The following EXTL3 variants were observed in gnomAD, a reference collection of about 807,000 sequenced individuals.
The protein encoded by EXTL3 is exostosin-like 3.
A neutral mutation model predicts 69.3 loss-of-function variants in EXTL3; 27 were observed. That is an observed-to-expected ratio of 0.39 (90% CI 0.29 to 0.54). EXTL3 has a LOEUF of 0.54. EXTL3 is among the 20% of genes least tolerant of loss of function. The pLI is 0.69. For synonymous variants in EXTL3, 511 were observed against 499.4 expected (o/e 1.02, Z -0.31); for missense variants, 1,003 against 1,231.8 (o/e 0.81, Z 2.78).
downstream of EXTL3, among the ~76,000 whole-genome samples, chr8:28,756,042 A>G (rs1373069288): frequency 6.6e-6 from 1 of 152,194 alleles, no homozygotes; most frequent in Non-Finnish European, 1.5e-5. Flanking sequence ...TTCTAAATAC[A>G]TGGGCATACA....
In EXTL3 at chr8:28,648,850, G is replaced by T. The variant is rs192089813; in HGVS notation, c.-53+26040G>T. ...CCCACCTCAGCATCCTGTTAGCTGG[G>T]ACTGTAGGCGTGCACCACCACACCC... is the stretch of plus-strand genomic sequence containing the variant. On this transcript the variant is annotated intron_variant, in intron 1 of 6. Transcript: ENST00000523149. Among the ~76,000 whole-genome samples the T allele has an allele frequency of 3.5e-4, 53 of 152,160 alleles. No individual in the cohort carries two copies. In the East Asian group the frequency reaches 9.5e-3, roughly 27 times the overall value.
At chr8:28,609,589 T>C (rs1806245097) in intron 2 of EXTL3, among the ~76,000 whole-genome samples, 1 of 151,020 alleles carries the variant, frequency 6.6e-6, no homozygotes, top group South Asian at 2.1e-4. Flanking sequence ...ATAAGTTCTT[T>C]TGAGATGTAT....
chr8:28,628,727 C>T (rs1806530540), intron 1 of EXTL3, among the ~76,000 whole-genome samples: 1 of 152,140 alleles, frequency 6.6e-6, no homozygotes, highest in Non-Finnish European at 1.5e-5. Context: ...AATCTCTGCT[C>T]ACTGTAACCT....
chr8:28,707,889 G>T (rs1401377964), intron 1 of EXTL3, among the ~76,000 whole-genome samples: 2 of 152,198 alleles, frequency 1.3e-5, no homozygotes, highest in Non-Finnish European at 2.9e-5. Flanking sequence ...TCAAATTGAG[G>T]ACTTATCCTG....
At chr8:28,721,476 A>G (rs1443246700) in intron 3 of EXTL3, among the ~76,000 whole-genome samples, 1 of 152,158 alleles carries the variant, frequency 6.6e-6, no homozygotes, top group African/African-American at 2.4e-5. Context: ...TCTTGGTACC[A>G]ACTCTGGCCT....
intron 1 of EXTL3, among the ~76,000 whole-genome samples, chr8:28,675,318 C>T (rs962924574): frequency 2.0e-5 from 3 of 152,096 alleles, no homozygotes; most frequent in Admixed American, 6.6e-5. Flanking sequence ...GCATGCATGT[C>T]GAAACTCATC....
At chr8:28,655,039 T>C (rs144878494) in intron 1 of EXTL3, among the ~76,000 whole-genome samples, 28 of 152,310 alleles carry the variant, frequency 1.8e-4, no homozygotes, top group Non-Finnish European at 3.5e-4. Context: ...CTTGTGTTTG[T>C]TTATTGACTT....
rs549192501 is a variant in EXTL3 at position 28,667,434 on chromosome 8, G to T, written c.-53+44624G>T. Among the ~76,000 whole-genome samples, 12 of 152,152 alleles carry T rather than the reference G, an allele frequency of 7.9e-5. No individual in the cohort carries two copies. In the South Asian group the frequency reaches 1.9e-3, roughly 24 times the overall value. ...ACTGTTGGCCCCTCCTTCATTCAAG[G>T]TACTGTGAATATTTCTGTTCAATAC... On this transcript the variant is annotated intron_variant, in intron 1 of 6. Transcript: ENST00000523149.
At chr8:28,689,323 T>TATC (rs1800574099) in intron 1 of EXTL3, among the ~76,000 whole-genome samples, 1 of 152,192 alleles carries the variant, frequency 6.6e-6, no homozygotes, top group African/African-American at 2.4e-5. Flanking sequence ...CCGGCTCCCC[T>TATC]ATCACTGGGA....
intron 3 of EXTL3, among the ~76,000 whole-genome samples, chr8:28,725,302 T>C (rs1801390422): frequency 6.6e-6 from 1 of 152,072 alleles, no homozygotes; most frequent in Non-Finnish European, 1.5e-5. Flanking sequence ...GTGAATGATA[T>C]TGTGCAGAAG....
chr8:28,740,754 A>C (rs963821081), intron 5 of EXTL3: 1 of 152,130 alleles, frequency 6.6e-6, no homozygotes, highest in Admixed American at 6.5e-5. Context: ...TTTACTTATA[A>C]ATTTTATGCA....
At chr8:28,672,005 G>A (rs189943734) in intron 1 of EXTL3, among the ~76,000 whole-genome samples, 2 of 152,222 alleles carry the variant, frequency 1.3e-5, no homozygotes, top group East Asian at 3.9e-4. Context: ...ATGTTCCTCC[G>A]CTTTCCCAAC....
chr8:28,623,537 A>G lies in EXTL3; in HGVS notation c.-53+727A>G, dbSNP rs184200528. The stretch of plus-strand genomic sequence containing the variant: ...TCACCCTGCAGGGCTCCATCCGTTC[A>G]GTCTCACCCCTTGGTAAGCATGTCC... On this transcript the variant is annotated intron_variant, in intron 1 of 6. Coordinates refer to the EXTL3 transcript ENST00000523149. This position sits in a 1 kb window ranked among gnomAD's most constrained non-coding sequence, Gnocchi z 4.2. 3.0e-4 allele frequency among the ~76,000 whole-genome samples: 46 copies of G among 152,326 alleles called. No homozygotes were observed. Among genetic ancestry groups the G allele is most frequent in the Admixed American group, 1.5e-3 (23 of 15,296 alleles).
chr8:28,715,736 C>A lies in EXTL3; in HGVS notation c.-324C>A. 1 of 363,172 alleles carries A rather than the reference C, an allele frequency of 2.8e-6. No homozygotes were observed. Among genetic ancestry groups the A allele is most frequent in the Non-Finnish European group, 5.0e-6 (1 of 198,386 alleles). 22.5% of individuals were successfully genotyped at this position (363,172 alleles called of 1,614,324 possible). On this transcript the variant is annotated 5_prime_UTR_variant, in exon 3 of 7. Coordinates refer to ENST00000220562, the MANE Select transcript of EXTL3 (RefSeq NM_001440.4). The stretch of plus-strand genomic sequence containing the variant: ...GCATTTGAAAAAGTCTGTCTGATTC[C>A]AGGGTGTTTTTCCTGGGTTTCATCA...
chr8:28,666,237 T>G (rs1807194570), intron 1 of EXTL3, among the ~76,000 whole-genome samples: 1 of 152,118 alleles, frequency 6.6e-6, no homozygotes, highest in Admixed American at 6.6e-5. Context: ...CTTTCTTGCT[T>G]TCTTGCTGTC....
At chr8:28,640,084 A>G (rs114342485) in intron 1 of EXTL3, among the ~76,000 whole-genome samples, 2,720 of 152,306 alleles carry the variant, frequency 0.018, 74 homozygotes, top group African/African-American at 0.061. Flanking sequence ...TGAGCAACAC[A>G]GTAAGACTCT....
chr8:28,646,639 A>C (rs1386675321), intron 1 of EXTL3, among the ~76,000 whole-genome samples: 1 of 152,158 alleles, frequency 6.6e-6, no homozygotes, highest in Non-Finnish European at 1.5e-5. Flanking sequence ...ACGCACATTC[A>C]CTAAATTGTT....
chr8:28,727,502 A>G (rs566256074), intron 3 of EXTL3, among the ~76,000 whole-genome samples: 1 of 152,162 alleles, frequency 6.6e-6, no homozygotes, highest in Non-Finnish European at 1.5e-5. Flanking sequence ...AAATTAGATA[A>G]TTTTGGATAT....
chr8:28,745,602 G>A (rs1394425548), intron 6 of EXTL3, among the ~76,000 whole-genome samples: 1 of 152,176 alleles, frequency 6.6e-6, no homozygotes, highest in Admixed American at 6.5e-5. Context: ...CCAGGGACTG[G>A]ACTTGAGTCA....
Sources: gnomAD v4.1 joint callset for allele counts (sites outside exome capture counted in the v4.1 genomes callset) on GRCh38, gnomAD v4.1.1 for gene constraint, Gnocchi (gnomAD v3.1) non-coding constraint, MANE v1.5 for transcripts, NCBI Gene and HGNC (gene_info 2026-07-23, HGNC 2026-07-21) for gene names.